The following COL23A1 variants were observed in gnomAD, a reference collection of about 807,000 sequenced individuals.
COL23A1 encodes collagen alpha-1(XXIII) chain.
A neutral mutation model predicts 99.3 loss-of-function variants in COL23A1; 97 were observed. The observed-to-expected ratio is 0.98, with a 90% CI of 0.83 to 1.16. The LOEUF (loss-of-function observed/expected upper bound fraction) is 1.16. COL23A1 is among the 50% of genes most tolerant of loss of function. The pLI is 0.00. For missense variants in COL23A1, 762 were observed against 757.4 expected (o/e 1.01, Z -0.07); for synonymous variants, 320 against 308.2 (o/e 1.04, Z -0.40).
chr5:178,491,248 C>T (rs1369214714), intron 2 of COL23A1, among the ~76,000 whole-genome samples: 1 of 152,090 alleles, frequency 6.6e-6, no homozygotes, highest in Non-Finnish European at 1.5e-5. Context: ...TGCCCCTCAT[C>T]CTCGTGGCCA....
intron 2 of COL23A1, among the ~76,000 whole-genome samples, chr5:178,472,969 A>T (rs1214318024): frequency 1.3e-5 from 2 of 152,102 alleles, no homozygotes; most frequent in Non-Finnish European, 2.9e-5. Flanking sequence ...TACAAAAATT[A>T]AAAAATTAGC....
At chr5:178,325,867 T>C (rs192265842) in intron 2 of COL23A1, among the ~76,000 whole-genome samples, 2 of 152,336 alleles carry the variant, frequency 1.3e-5, no homozygotes, top group Admixed American at 1.3e-4. Context: ...GTGGCCTTTT[T>C]CCCTTTTTAA....
Position 178,252,732 on chromosome 5 carries a change from C to T in COL23A1, c.961-135G>A. On this transcript the variant is annotated intron_variant, in intron 16 of 28. Transcript: ENST00000390654. ...GGGGCAGGGTCCTTGGGGACTGCTT[C>T]TTCCCCAGTCAGGTCAGGCCACACT... 5 of 691,978 alleles carry T rather than the reference C, an allele frequency of 7.2e-6. No homozygotes were observed. The South Asian group carries it at 8.0e-5, about 11-fold the overall frequency. The allele number at this position is 691,978 out of a possible 1,614,324, so 42.9% of individuals were successfully genotyped here.
rs868651434 is a variant in COL23A1 at position 178,326,044 on chromosome 5, C to G, written c.362-19125G>C. Among the ~76,000 whole-genome samples the G allele has an allele frequency of 5.9e-5, 9 of 152,200 alleles. No homozygotes were observed. The South Asian group carries it at 1.9e-3, about 32-fold the overall frequency. On this transcript the variant is annotated intron_variant, in intron 2 of 28. Coordinates refer to ENST00000390654, the MANE Select transcript of COL23A1 (RefSeq NM_173465.4). ...TCTTAACCACTCCCCAGGGAGCACC[C>G]GAGACCCCAGATAATAAGCTCCATG...
At chr5:178,554,697 C>G (rs2113507130) in intron 2 of COL23A1, among the ~76,000 whole-genome samples, 1 of 152,284 alleles carries the variant, frequency 6.6e-6, no homozygotes, top group East Asian at 1.9e-4. Flanking sequence ...CCCACTTTGT[C>G]TCCCCTGGTT....
intron 2 of COL23A1, among the ~76,000 whole-genome samples, chr5:178,404,121 C>T (rs529531064): frequency 9.8e-5 from 15 of 152,298 alleles, no homozygotes; most frequent in African/African-American, 2.2e-4. Context: ...CAGTCAGAAC[C>T]GGAAGACGGC....
At chr5:178,497,488 T>C (rs1334348725) in intron 2 of COL23A1, among the ~76,000 whole-genome samples, 3 of 152,158 alleles carry the variant, frequency 2.0e-5, no homozygotes, top group East Asian at 3.8e-4. Context: ...AATCAAAGAT[T>C]AACGTGGAAG....
chr5:178,447,256 G>T (rs1011605405), intron 2 of COL23A1, among the ~76,000 whole-genome samples: 2 of 151,940 alleles, frequency 1.3e-5, no homozygotes, highest in Non-Finnish European at 2.9e-5. Context: ...ACCACACCAG[G>T]CTAATTTTTG....
chr5:178,291,744 G>T (rs959828336), intron 3 of COL23A1, among the ~76,000 whole-genome samples: 3 of 152,130 alleles, frequency 2.0e-5, no homozygotes, highest in African/African-American at 4.8e-5. Context: ...TGGTGGGTGA[G>T]GGGGGAGTGG....
intron 2 of COL23A1, among the ~76,000 whole-genome samples, chr5:178,353,863 G>C (rs79899180): frequency 3.3e-4 from 50 of 151,850 alleles, no homozygotes; most frequent in Non-Finnish European, 8.8e-5. Flanking sequence ...CATTCCATGC[G>C]GGAGACAAAA....
intron 2 of COL23A1, among the ~76,000 whole-genome samples, chr5:178,507,853 G>C (rs970512618): frequency 1.3e-5 from 2 of 152,082 alleles, no homozygotes; most frequent in Admixed American, 1.3e-4. Flanking sequence ...GAGAACTGTG[G>C]GTTTGTGTTT....
At chr5:178,516,603 C>T (rs542108834) in intron 2 of COL23A1, among the ~76,000 whole-genome samples, 5 of 152,218 alleles carry the variant, frequency 3.3e-5, no homozygotes, top group Admixed American at 3.3e-4. Context: ...TCCTGGAACG[C>T]GCCAGGCCCT....
chr5:178,555,158 G>C (rs1057078046), intron 2 of COL23A1, among the ~76,000 whole-genome samples: 1 of 152,258 alleles, frequency 6.6e-6, no homozygotes. Flanking sequence ...ATGGGTCTAC[G>C]TGTCCAAATC....
intron 2 of COL23A1, among the ~76,000 whole-genome samples, chr5:178,517,561 T>TG (rs1395390944): frequency 9.8e-5 from 11 of 111,732 alleles, no homozygotes; most frequent in Admixed American, 2.6e-4. Context: ...ACAGCAGTTT[T>TG]TTTTTTGTTT....
chr5:178,269,710 AATCC>A (rs1295919592), intron 6 of COL23A1, among the ~76,000 whole-genome samples: 1 of 109,092 alleles, frequency 9.2e-6, no homozygotes. Context: ...TTCCCCCACC[AATCC>A]ATCCATCCAT....
intron 3 of COL23A1, among the ~76,000 whole-genome samples, chr5:178,301,938 A>G (rs112388290): frequency 1.7e-4 from 23 of 137,942 alleles, no homozygotes; most frequent in South Asian, 7.3e-4. Context: ...GTGTGCGCCG[A>G]AGCACAGCTT....
In COL23A1 at chr5:178,398,641, T is replaced by TTC. The variant is rs1323611017; in HGVS notation, c.362-91724_362-91723dup. On this transcript the variant is annotated intron_variant, in intron 2 of 28. Coordinates refer to ENST00000390654, the MANE Select transcript of COL23A1 (RefSeq NM_173465.4). ...GACTCTGTTCCCCCACCAAAAATAC[T>TTC]TCTCCCAGAGTTATAGCTTAAATAT... Among the ~76,000 whole-genome samples, 5 of 152,184 alleles carry TTC rather than the reference T, an allele frequency of 3.3e-5. No individual in the cohort carries two copies. The East Asian group carries it at 9.6e-4, about 29-fold the overall frequency.
At chr5:178,458,535 G>A (rs1354569988) in intron 2 of COL23A1, among the ~76,000 whole-genome samples, 1 of 151,904 alleles carries the variant, frequency 6.6e-6, no homozygotes, top group Non-Finnish European at 1.5e-5. Flanking sequence ...TACTCAGGAG[G>A]CTGAGTCATG....
At chr5:178,416,111 A>C (rs1364996257) in intron 2 of COL23A1, among the ~76,000 whole-genome samples, 1 of 152,196 alleles carries the variant, frequency 6.6e-6, no homozygotes, top group Non-Finnish European at 1.5e-5. Flanking sequence ...TCATTCATTC[A>C]TTCGCTCGTT....
Sources: allele counts gnomAD v4.1 joint callset (sites outside exome capture counted in the v4.1 genomes callset), GRCh38; gene constraint gnomAD v4.1.1; transcripts MANE v1.5; gene names NCBI Gene and HGNC (gene_info 2026-07-23, HGNC 2026-07-21).